The following FABP7 variants were observed in gnomAD, a reference collection of about 807,000 sequenced individuals.
FABP7 encodes the protein fatty acid binding protein 7.
Under a neutral mutation model 14.2 loss-of-function variants are expected in FABP7, and 13 were observed. The ratio of observed to expected loss-of-function variants is 0.91; its 90% confidence interval spans 0.59 to 1.45. The LOEUF (loss-of-function observed/expected upper bound fraction) is 1.45. Among genes scored for constraint, FABP7 ranks in the 40% most tolerant of loss-of-function variants. FABP7 has a pLI of 0.00. For synonymous variants in FABP7, 49 were observed against 51.4 expected (o/e 0.95, Z 0.20); for missense variants, 149 against 157.6 (o/e 0.95, Z 0.29).
rs961264185 is a variant in FABP7 at position 122,781,941 on chromosome 6, G to A, written c.348+747G>A. 5 of 513,194 alleles carry A rather than the reference G, an allele frequency of 9.7e-6. No individual in the cohort carries two copies. The Admixed American group carries it at 1.9e-4, about 20-fold the overall frequency. 31.8% of individuals were successfully genotyped at this position (513,194 alleles called of 1,614,324 possible). ...TGTATTTTTGTAGAGATGGGATTTCGCCATGTTGCCCAGGCTGGCCTACAG... is the reference window on the plus strand; with the variant it reads ...TGTATTTTTGTAGAGATGGGATTTCACCATGTTGCCCAGGCTGGCCTACAG... On this transcript the variant is annotated intron_variant, in intron 3 of 3. Transcript: ENST00000368444.
the FABP7 span, among the ~76,000 whole-genome samples, chr6:122,772,644 C>T: frequency 6.6e-6 from 1 of 152,186 alleles, no homozygotes; most frequent in East Asian, 1.9e-4. Flanking sequence ...GTCTTGAACT[C>T]CTGAGCTCAA....
the FABP7 span, among the ~76,000 whole-genome samples, chr6:122,766,426 A>G: frequency 6.6e-6 from 1 of 152,120 alleles, no homozygotes; most frequent in African/African-American, 2.4e-5. Context: ...TTCTGTTTAT[A>G]ATATCCAAGG....
At chr6:122,757,091 T>A in the FABP7 span, among the ~76,000 whole-genome samples, 1 of 152,322 alleles carries the variant, frequency 6.6e-6, no homozygotes, top group South Asian at 2.1e-4. Context: ...TGGTTTCTCC[T>A]AAGTGTATAT....
Position 122,779,841 on chromosome 6 carries a change from A to ACTT in FABP7, c.48_50dup (p.Phe17dup), listed in dbSNP as rs1562339175. On this transcript the variant is annotated inframe_insertion, in exon 1 of 4. Transcript: ENST00000368444. ...ACCTGGAAGCTGACCAACAGTCAGAACTTTGATGAGTACATGAAGGCTCTA... is the reference window on the plus strand; with the variant it reads ...ACCTGGAAGCTGACCAACAGTCAGAACTTCTTTGATGAGTACATGAAGGCTCTA... 2 of 1,614,132 alleles carry ACTT rather than the reference A, an allele frequency of 1.2e-6. No individual in the cohort carries two copies. The highest frequency in any genetic ancestry group is 1.7e-6 in the Non-Finnish European group (2 of 1,180,014).
At chr6:122,756,899 CTCTT>C in the FABP7 span, among the ~76,000 whole-genome samples, 4 of 152,206 alleles carry the variant, frequency 2.6e-5, no homozygotes, top group Non-Finnish European at 5.9e-5. Context: ...TCACTGGCCT[CTCTT>C]TCTCAGTTTC....
chr6:122,782,448 A>G (rs1407460535), intron 3 of FABP7: 1 of 855,402 alleles, frequency 1.2e-6, no homozygotes, highest in Non-Finnish European at 1.4e-6. Flanking sequence ...CTCCATCTTT[A>G]CAAGACTTTT....
chr6:122,780,558 T>A, intron 2 of FABP7, 95 bp downstream of exon 2: 2 of 1,305,530 alleles, frequency 1.5e-6, no homozygotes, highest in Non-Finnish European at 2.1e-6. Context: ...TTGGAAAGTG[T>A]AGAATATTTT....
chr6:122,755,432 T>C, the FABP7 span, among the ~76,000 whole-genome samples: 2 of 151,158 alleles, frequency 1.3e-5, no homozygotes. Context: ...GAATTCAACA[T>C]TTTCTACTCC....
chr6:122,758,934 G>C, the FABP7 span, among the ~76,000 whole-genome samples: 1 of 152,160 alleles, frequency 6.6e-6, no homozygotes. Context: ...CAATTAGCAT[G>C]ACTGCTTCTA....
chr6:122,765,301 A>G, the FABP7 span, among the ~76,000 whole-genome samples: 1 of 152,078 alleles, frequency 6.6e-6, no homozygotes, highest in African/African-American at 2.4e-5. Flanking sequence ...ATACTGCTAG[A>G]ATGAGAAAGT....
At chr6:122,753,794 C>CCT in the FABP7 span, among the ~76,000 whole-genome samples, 1 of 105,134 alleles carries the variant, frequency 9.5e-6, no homozygotes, top group Admixed American at 9.2e-5. Flanking sequence ...GCCCCCCCCC[C>CCT]GCCCACAGAA....
At chr6:122,753,798 C>A in the FABP7 span, among the ~76,000 whole-genome samples, 9 of 107,568 alleles carry the variant, frequency 8.4e-5, no homozygotes, top group Non-Finnish European at 1.6e-4. Flanking sequence ...CCCCCCCGCC[C>A]ACAGAAGTTT....
the FABP7 span, among the ~76,000 whole-genome samples, chr6:122,757,798 G>C: frequency 6.6e-6 from 1 of 152,128 alleles, no homozygotes; most frequent in Admixed American, 6.5e-5. Flanking sequence ...AGGTGCATGC[G>C]TTCCAAGGAG....
At chr6:122,772,038 A>AGTAATTGAAATTATTATATATGT in the FABP7 span, among the ~76,000 whole-genome samples, 1 of 152,226 alleles carries the variant, frequency 6.6e-6, no homozygotes, top group Admixed American at 6.5e-5. Flanking sequence ...TGATTACAAA[A>AGTAATTGAAATTATTATATATGT]GTAATTGAAA....
chr6:122,751,745 T>C, the FABP7 span, among the ~76,000 whole-genome samples: 2 of 152,068 alleles, frequency 1.3e-5, no homozygotes, highest in Admixed American at 1.3e-4. Flanking sequence ...CCTTCCAAAT[T>C]TAAGAAGGAT....
At chr6:122,749,443 A>T in the FABP7 span, among the ~76,000 whole-genome samples, 2 of 152,214 alleles carry the variant, frequency 1.3e-5, no homozygotes, top group Non-Finnish European at 1.5e-5. Context: ...GATGATTAAT[A>T]GTCTCTCTCT....
chr6:122,772,925 A>ATAAAATG, the FABP7 span, among the ~76,000 whole-genome samples: 515 of 152,194 alleles, frequency 3.4e-3, 12 homozygotes, highest in East Asian at 0.05. Context: ...GGTAGGCATG[A>ATAAAATG]TAAAATGTGT....
the FABP7 span, among the ~76,000 whole-genome samples, chr6:122,769,986 G>A: frequency 1.5e-3 from 224 of 152,124 alleles, 1 homozygote; most frequent in African/African-American, 4.9e-3. Flanking sequence ...TCAATGGCCC[G>A]CTTGTAATTT....
rs565146900 is a variant in FABP7 at position 122,782,515 on chromosome 6, T to C, written c.349-1202T>C. 5.1e-6 allele frequency: 5 copies of C among 981,632 alleles called. No individual in the cohort carries two copies. In the South Asian group the frequency reaches 1.4e-4, roughly 28 times the overall value. The allele number at this position is 981,632 out of a possible 1,614,324, so 60.8% of individuals were successfully genotyped here. A position where few individuals can be genotyped will look rare whatever the true frequency, so the allele number is the denominator to read the frequency against. Reference sequence around the variant, plus strand: ...TAAAATAATTAACAAATAATTTATCTAATGATGGAGTAGTATCACAAACTA... The same window carrying C: ...TAAAATAATTAACAAATAATTTATCCAATGATGGAGTAGTATCACAAACTA... On this transcript the variant is annotated intron_variant, in intron 3 of 3. Coordinates refer to ENST00000368444, the MANE Select transcript of FABP7 (RefSeq NM_001446.5).
Sources: allele counts gnomAD v4.1 joint callset (sites outside exome capture counted in the v4.1 genomes callset), GRCh38; gene constraint gnomAD v4.1.1; transcripts MANE v1.5; gene names NCBI Gene and HGNC (gene_info 2026-07-23, HGNC 2026-07-21).